LRRC37B: variants seen among roughly 807,000 people sequenced by gnomAD.
The protein encoded by LRRC37B is leucine-rich repeat-containing protein 37B.
A neutral mutation model predicts 98.3 loss-of-function variants in LRRC37B; 28 were observed. The observed-to-expected ratio is 0.28, with a 90% CI of 0.21 to 0.39. The LOEUF (loss-of-function observed/expected upper bound fraction) is 0.39, where lower values mean the gene tolerates loss of function less well. Among genes scored for constraint, LRRC37B ranks in the 10% least tolerant of loss-of-function variants. The probability of loss-of-function intolerance (pLI) is 1.00; values close to 1 mark genes in which losing one functional copy is unlikely to be tolerated. For missense variants in LRRC37B, 938 were observed against 1,182.7 expected, an observed-to-expected ratio of 0.79 and a Z score of 3.03; for synonymous variants, 364 against 442.7, an observed-to-expected ratio of 0.82 and a Z score of 2.23.
chr17:32,038,814 C>T (rs368568922), intron 7 of LRRC37B, among the ~76,000 whole-genome samples: 18 of 152,140 alleles, frequency 1.2e-4, no homozygotes, highest in African/African-American at 4.1e-4. Context: ...GCCAAGATTG[C>T]ACCACTGCAC....
chr17:32,041,130 G>A (rs974146355), intron 7 of LRRC37B: 2 of 768,290 alleles, frequency 2.6e-6, no homozygotes, highest in Non-Finnish European at 4.8e-6. Flanking sequence ...GGACGAGCTG[G>A]CAGAGAAGCT....
exon 1 of LRRC37B, chr17:32,021,906 C>A (rs1316940053): frequency 6.2e-7 from 1 of 1,614,160 alleles, no homozygotes; most frequent in Non-Finnish European, 8.5e-7. Context: ...GCCTCCTGAG[C>A]AAGTTGGACT....
chr17:32,025,525 TTTTTC>T (rs1253751061), intron 2 of LRRC37B, among the ~76,000 whole-genome samples: 33 of 151,892 alleles, frequency 2.2e-4, no homozygotes, highest in African/African-American at 7.7e-4. Context: ...TTTAAAATCT[TTTTTC>T]TTTTCATAAA....
rs764663148 is a variant in LRRC37B at position 32,030,730 on chromosome 17, A to G, written c.1976+3A>G. 8.6e-6 allele frequency: 12 copies of G among 1,397,544 alleles called. 1 individual carries two copies. The highest frequency in any genetic ancestry group is 1.2e-5 in the Non-Finnish European group (12 of 1,029,606). 86.6% of individuals were successfully genotyped at this position (1,397,544 alleles called of 1,614,324 possible). ...TCACTACCATTTTTGCAGTATATGTAAGTTACAAATATAACTTTATTACAT... is the reference window on the plus strand; with the variant it reads ...TCACTACCATTTTTGCAGTATATGTGAGTTACAAATATAACTTTATTACAT... On this transcript the variant is annotated splice_donor_region_variant and intron_variant, in intron 4 of 11. Transcript: ENST00000327564.
At chr17:32,043,509 C>T (rs1454401085) in intron 7 of LRRC37B, among the ~76,000 whole-genome samples, 5 of 152,296 alleles carry the variant, frequency 3.3e-5, no homozygotes, top group East Asian at 1.9e-4. Flanking sequence ...TGCAGTGAGC[C>T]GAGATTGCAC....
At chr17:32,021,648 G>T (rs1253470539) in exon 1 of LRRC37B, 4 of 1,614,102 alleles carry the variant, frequency 2.5e-6, no homozygotes, top group Non-Finnish European at 3.4e-6. Context: ...AGGTCATCAG[G>T]CAGATGAAAT....
exon 1 of LRRC37B, chr17:32,022,267 C>A: frequency 1.9e-6 from 3 of 1,613,926 alleles, no homozygotes; most frequent in Non-Finnish European, 2.5e-6. Flanking sequence ...ATTCAGCCTC[C>A]CGAGGAGGCG....
upstream of LRRC37B, among the ~76,000 whole-genome samples, chr17:32,016,213 A>T (rs1910645729): frequency 6.6e-6 from 1 of 152,190 alleles, no homozygotes; most frequent in Admixed American, 6.5e-5. Flanking sequence ...GGTCATTCTA[A>T]TTAAAGTACC....
chr17:32,047,486 C>G (rs1160587849), intron 8 of LRRC37B: 3 of 457,464 alleles, frequency 6.6e-6, no homozygotes, highest in South Asian at 6.3e-5. Flanking sequence ...TGACTGAGCA[C>G]TGGGCAATTG....
rs1249249552 is a variant in LRRC37B at position 32,045,552 on chromosome 17, A to T, written c.2205-148A>T. On this transcript the variant is annotated intron_variant, in intron 7 of 11. Transcript: ENST00000327564. ...GTTGGGCACCTGTGTCCTCCTTCCC[A>T]TTGGCCTTCTGGTTCCTACCCAAGT... 28 of 806,088 alleles carry T rather than the reference A, an allele frequency of 3.5e-5. No individual in the cohort carries two copies. The South Asian group carries it at 4.4e-4, about 13-fold the overall frequency. The allele number at this position is 806,088 out of a possible 1,614,324, so 49.9% of individuals were successfully genotyped here. A position where few individuals can be genotyped will look rare whatever the true frequency, so the allele number is the denominator to read the frequency against.
At chr17:32,020,440 A>G (rs1258926236), upstream of LRRC37B, among the ~76,000 whole-genome samples, 1 of 152,076 alleles carries the variant, frequency 6.6e-6, no homozygotes, top group Non-Finnish European at 1.5e-5. Flanking sequence ...GCAGGATGAC[A>G]GTTCAGCCTC....
upstream of LRRC37B, among the ~76,000 whole-genome samples, chr17:32,007,414 T>C (rs1230158110): frequency 6.6e-6 from 1 of 152,022 alleles, no homozygotes; most frequent in Non-Finnish European, 1.5e-5. This position sits in a 1 kb window ranked among gnomAD's most constrained non-coding sequence, Gnocchi z 4.1. Context: ...AGAAACAAGG[T>C]GGCGGTTGAA....
In LRRC37B at chr17:32,009,087, A is replaced by G. The variant is rs141680519; in HGVS notation, c.-191+955A>G. On this transcript the variant is annotated intron_variant, in intron 1 of 14. Coordinates refer to the LRRC37B transcript ENST00000543378. ...GTTCCGGTTGCCCTGTATCCTCCCT[A>G]GCACTTGATATTGTCAGTTTTTGTT... 1.0e-3 allele frequency among the ~76,000 whole-genome samples: 154 copies of G among 151,850 alleles called. 1 individual carries two copies. The East Asian group carries it at 0.02, about 20-fold the overall frequency.
chr17:32,048,870 A>C (rs1164173180), intron 9 of LRRC37B: 26 of 1,539,596 alleles, frequency 1.7e-5, no homozygotes, highest in Non-Finnish European at 2.1e-5. Context: ...TTTATAGAAA[A>C]CACTAGTGTA....
upstream of LRRC37B, among the ~76,000 whole-genome samples, chr17:32,019,363 C>T (rs1284889651): frequency 6.6e-6 from 1 of 152,214 alleles, no homozygotes; most frequent in Non-Finnish European, 1.5e-5. Flanking sequence ...CTAGGCTATA[C>T]CGCATAGCCT....
chr17:32,028,132 C>G lies in LRRC37B; in HGVS notation c.1904+292C>G, dbSNP rs868191287. Among the ~76,000 whole-genome samples, 270 of 63,704 alleles carry G rather than the reference C, an allele frequency of 4.2e-3. 3 individuals carry two copies. Among genetic ancestry groups the G allele is most frequent in the South Asian group, 6.8e-3 (12 of 1,754 alleles). The allele number at this position is 63,704 out of a possible 152,430, so 41.8% of individuals were successfully genotyped here. ...ATAAGGGTTTACATACCATCTTCTT[C>G]TATTCAGTCTACAGCCAGTAGATCA... is the stretch of plus-strand genomic sequence containing the variant. On this transcript the variant is annotated intron_variant, in intron 3 of 11. Transcript: ENST00000327564.
intron 3 of LRRC37B, among the ~76,000 whole-genome samples, chr17:32,029,503 G>T (rs1911055099): frequency 6.6e-6 from 1 of 152,032 alleles, no homozygotes; most frequent in Non-Finnish European, 1.5e-5. Flanking sequence ...AAGCATAGAA[G>T]AGGGGAAAAT....
chr17:32,047,581 T>C, intron 8 of LRRC37B, 180 bp from the exon 12 acceptor site: 1 of 825,158 alleles, frequency 1.2e-6, no homozygotes, highest in Non-Finnish European at 1.9e-6. Context: ...CCATGTCTTT[T>C]CCTCCTTTCG....
At chr17:32,048,849 C>T (rs1344261999) in intron 9 of LRRC37B, 4 of 1,474,216 alleles carry the variant, frequency 2.7e-6, no homozygotes, top group East Asian at 2.3e-5. Context: ...GTAGTTGCTC[C>T]TTCAGAACGT....
Sources: allele counts gnomAD v4.1 joint callset (sites outside exome capture counted in the v4.1 genomes callset), GRCh38; gene constraint gnomAD v4.1.1; non-coding constraint Gnocchi (gnomAD v3.1); transcripts MANE v1.5; gene names NCBI Gene and HGNC (gene_info 2026-07-23, HGNC 2026-07-21).